OXNAD1: variants seen among roughly 807,000 people sequenced by gnomAD.
OXNAD1 encodes oxidoreductase NAD binding domain containing 1.
A neutral mutation model predicts 32.9 loss-of-function variants in OXNAD1; 34 were observed. The ratio of observed to expected loss-of-function variants is 1.03; its 90% confidence interval spans 0.79 to 1.38. The LOEUF is 1.38. Ranked by LOEUF, OXNAD1 falls within the 40% of genes most tolerant of loss-of-function variation. OXNAD1 has a pLI of 0.00. For synonymous variants in OXNAD1, 134 were observed against 135.2 expected, an observed-to-expected ratio of 0.99 and a Z score of 0.06; for missense variants, 407 against 379.4, an observed-to-expected ratio of 1.07 and a Z score of -0.60.
rs1396753012 is a variant in OXNAD1, at chr3:16,299,520, C to A, written c.433-2106C>A. Reference sequence around the variant, plus strand: ...TTTTTCCCCTGAAAGAGTATCCATTCATTTAACAGTTCTTTACCAAAAAAG... The same window carrying A: ...TTTTTCCCCTGAAAGAGTATCCATTAATTTAACAGTTCTTTACCAAAAAAG... On this transcript the variant is annotated intron_variant, in intron 6 of 8. Coordinates refer to ENST00000285083, the MANE Select transcript of OXNAD1 (RefSeq NM_138381.5). This position sits in a 1 kb window ranked among gnomAD's most constrained non-coding sequence, Gnocchi z 4.4. Among the ~76,000 whole-genome samples, 1 of 150,046 alleles carries A rather than the reference C, an allele frequency of 6.7e-6. No homozygotes were observed. The highest frequency in any genetic ancestry group is 1.5e-5 in the Non-Finnish European group (1 of 67,520).
At position 16,301,689 on chromosome 3, in the gene OXNAD1, G is replaced by A; in HGVS notation, c.496G>A (p.Ala166Thr). 6.2e-7 allele frequency: 1 copy of A among 1,613,976 alleles called. No individual in the cohort carries two copies. The highest frequency in any genetic ancestry group is 1.3e-5 in the African/African-American group (1 of 75,038). The change falls in exon 7 of 9, where the codon GCG becomes ACG. Residue 166 changes from alanine (A) to threonine (T), a missense_variant. Ala to Thr is a moderately conservative substitution (Grantham distance 58). Coordinates refer to ENST00000285083, the MANE Select transcript of OXNAD1 (RefSeq NM_138381.5). This position sits in a 1 kb window ranked among gnomAD's most constrained non-coding sequence, Gnocchi z 4.1. ...AGAGTTCTTCTTTGACCCTCAGCCT[G>A]CGGATGCCTCTAGAAACCTCGTGTT... is the stretch of plus-strand genomic sequence containing the variant. ...GGEFFFDPQP[A>T]DASRNLVLIA...
At chr3:16,347,318 A>G (rs1350280176) in intron 9 of OXNAD1, among the ~76,000 whole-genome samples, 1 of 152,250 alleles carries the variant, frequency 6.6e-6, no homozygotes, top group Admixed American at 6.5e-5. Context: ...GCTATAACAA[A>G]TGACCACAAA....
chr3:16,307,541 A>G (rs1262277621), downstream of OXNAD1, among the ~76,000 whole-genome samples: 1 of 152,156 alleles, frequency 6.6e-6, no homozygotes, highest in Non-Finnish European at 1.5e-5. Context: ...GGTGATCTTG[A>G]TAAGACGGAT....
intron 9 of OXNAD1, among the ~76,000 whole-genome samples, chr3:16,311,181 T>A (rs7619885): frequency 0.19 from 24,671 of 130,500 alleles, 2,136 homozygotes; most frequent in Middle Eastern, 0.26. Context: ...GGTCTTTTTT[T>A]AAAAATATTA....
In OXNAD1 at chr3:16,312,706, T is replaced by C. The variant is rs939922225; in HGVS notation, c.*30+9114T>C. On this transcript the variant is annotated intron_variant, in intron 9 of 9. Transcript: ENST00000435829. The surrounding 1 kb of genome is among the most constrained non-coding windows in gnomAD (Gnocchi z 4.7). ...GCTATTCCTGAACGATTTTGTGGTT[T>C]AGAGAGGGCCATGATGAATATGTTT... Among the ~76,000 whole-genome samples the C allele has an allele frequency of 2.6e-5, 4 of 152,190 alleles. No individual in the cohort carries two copies. The highest frequency in any genetic ancestry group is 9.7e-5 in the African/African-American group (4 of 41,450).
Position 16,316,464 on chromosome 3 carries a change from C to A in OXNAD1, c.*30+12872C>A. Reference sequence around the variant, plus strand: ...AGCCTTGGTTTGTAGCCCAGGGTGTCCATGGATTTGACCCGAATGCTCCCT... The same window carrying A: ...AGCCTTGGTTTGTAGCCCAGGGTGTACATGGATTTGACCCGAATGCTCCCT... On this transcript the variant is annotated intron_variant, in intron 9 of 9. Transcript: ENST00000435829. The surrounding 1 kb of genome is among the most constrained non-coding windows in gnomAD (Gnocchi z 4.5). 1 of 304,754 alleles carries A rather than the reference C, an allele frequency of 3.3e-6. No homozygotes were observed. Among genetic ancestry groups the A allele is most frequent in the South Asian group, 3.2e-5 (1 of 31,460 alleles). The allele number at this position is 304,754 out of a possible 1,614,324, so 18.9% of individuals were successfully genotyped here.
At chr3:16,300,199 A>G (rs1415295245) in intron 6 of OXNAD1, among the ~76,000 whole-genome samples, 4 of 152,214 alleles carry the variant, frequency 2.6e-5, no homozygotes, top group Admixed American at 1.3e-4. Flanking sequence ...TAATGTACCC[A>G]TAGGTTTTTT....
chr3:16,311,054 A>T (rs924700724), downstream of OXNAD1, among the ~76,000 whole-genome samples: 3 of 150,986 alleles, frequency 2.0e-5, no homozygotes, highest in Admixed American at 6.6e-5. Flanking sequence ...CAGAACCAAG[A>T]CAGTTGGTTC....
intron 4 of OXNAD1, among the ~76,000 whole-genome samples, chr3:16,281,833 G>C (rs2065759865): frequency 6.6e-6 from 1 of 151,400 alleles, no homozygotes; most frequent in Non-Finnish European, 1.5e-5. Context: ...TCTACCTCGA[G>C]GCTGTATTTT....
rs142890668 is a variant in OXNAD1 at position 16,311,719 on chromosome 3, A to G, written c.*30+8127A>G. On this transcript the variant is annotated intron_variant, in intron 9 of 9. Coordinates refer to the OXNAD1 transcript ENST00000435829. ...ATTCAAGCCAGCAGCCCCCACCTAGACTAAAGCACTAGCCTCTGCAGCATC... is the reference window on the plus strand; with the variant it reads ...ATTCAAGCCAGCAGCCCCCACCTAGGCTAAAGCACTAGCCTCTGCAGCATC... Among the ~76,000 whole-genome samples the G allele has an allele frequency of 1.7e-3, 258 of 152,214 alleles. 5 individuals are homozygous for G. The East Asian group carries it at 0.039, about 23-fold the overall frequency.
intron 9 of OXNAD1, among the ~76,000 whole-genome samples, chr3:16,347,296 T>A (rs1234542041): frequency 6.6e-6 from 1 of 152,168 alleles, no homozygotes; most frequent in Non-Finnish European, 1.5e-5. Flanking sequence ...TTATATCCAT[T>A]TTCTAGGGGG....
chr3:16,281,418 G>T (rs1057287040), intron 4 of OXNAD1, among the ~76,000 whole-genome samples: 1 of 152,080 alleles, frequency 6.6e-6, no homozygotes, highest in Non-Finnish European at 1.5e-5. Flanking sequence ...GAGTACTGAC[G>T]TGACACTCAA....
rs2069089060 is a variant in OXNAD1 at position 16,321,799 on chromosome 3, T to C, written c.*31-15313T>C. On this transcript the variant is annotated intron_variant, in intron 9 of 9. Coordinates refer to the OXNAD1 transcript ENST00000435829. The surrounding 1 kb of genome is among the most constrained non-coding windows in gnomAD (Gnocchi z 4.8). ...CAGTGGGTCCCATCCTCTCTGAATT[T>C]TCCCTGAGGAGAGTCAGTTCAACCT... Among the ~76,000 whole-genome samples the C allele has an allele frequency of 6.6e-6, 1 of 152,198 alleles. No individual in the cohort carries two copies. The highest frequency in any genetic ancestry group is 6.5e-5 in the Admixed American group (1 of 15,278).
In OXNAD1 at chr3:16,302,927, G is replaced by T. The variant is rs1466547349; in HGVS notation, c.784+179G>T. Among the ~76,000 whole-genome samples, 1 of 152,148 alleles carries T rather than the reference G, an allele frequency of 6.6e-6. No homozygotes were observed. Among genetic ancestry groups the T allele is most frequent in the Non-Finnish European group, 1.5e-5 (1 of 68,032 alleles). ...TAGTTGGGTTTACTCATTATATACAGGTTTCCTATTGCCTGTGTTAAAAGT... is the reference window on the plus strand; with the variant it reads ...TAGTTGGGTTTACTCATTATATACATGTTTCCTATTGCCTGTGTTAAAAGT... On this transcript the variant is annotated intron_variant, in intron 8 of 8. Coordinates refer to ENST00000285083, the MANE Select transcript of OXNAD1 (RefSeq NM_138381.5). The surrounding 1 kb of genome is among the most constrained non-coding windows in gnomAD (Gnocchi z 4.2).
At chr3:16,340,015 G>A (rs996100407), downstream of OXNAD1, 7 of 152,164 alleles carry the variant, frequency 4.6e-5, no homozygotes, top group Admixed American at 4.6e-4. Flanking sequence ...ATTTTTATGG[G>A]TATTTTGCAT....
At chr3:16,338,574 A>G (rs1465955944), downstream of OXNAD1, among the ~76,000 whole-genome samples, 2 of 152,266 alleles carry the variant, frequency 1.3e-5, no homozygotes, top group Admixed American at 6.5e-5. The surrounding 1 kb of genome is among the most constrained non-coding windows in gnomAD (Gnocchi z 5.3). Context: ...TTTGATAACA[A>G]TTAAAAAAGA....
At position 16,316,937 on chromosome 3, in the gene OXNAD1, T is replaced by G. The variant is rs1575209365; in HGVS notation, c.*30+13345T>G. 2 of 1,614,108 alleles carry G rather than the reference T, an allele frequency of 1.2e-6. No homozygotes were observed. The highest frequency in any genetic ancestry group is 4.5e-5 in the East Asian group (2 of 44,848). ...GCAAATCCCCACCAGGGCCCTGCTGTGGCTGGCAGGACCATTCTGCACAGC... is the reference window on the plus strand; with the variant it reads ...GCAAATCCCCACCAGGGCCCTGCTGGGGCTGGCAGGACCATTCTGCACAGC... On this transcript the variant is annotated intron_variant, in intron 9 of 9. Coordinates refer to the OXNAD1 transcript ENST00000435829. The surrounding 1 kb of genome is among the most constrained non-coding windows in gnomAD (Gnocchi z 4.5).
chr3:16,301,901 T>A lies in OXNAD1; in HGVS notation c.675+33T>A. On this transcript the variant is annotated intron_variant, in intron 7 of 8. Transcript: ENST00000285083. This position sits in a 1 kb window ranked among gnomAD's most constrained non-coding sequence, Gnocchi z 4.1. ...AGGTATAGCTTGCTGTAAGCAAACT[T>A]GTGTAGTGGTATTAATTGTTCATGA... 1 of 1,599,522 alleles carries A rather than the reference T, an allele frequency of 6.3e-7. No individual in the cohort carries two copies. The highest frequency in any genetic ancestry group is 8.5e-7 in the Non-Finnish European group (1 of 1,171,594).
At position 16,297,594 on chromosome 3, in the gene OXNAD1, C is replaced by G. The variant is rs2066887908; in HGVS notation, c.432+2597C>G. ...AATTATTAAAAACTTCTAGAAACAA[C>G]CCAAATGTCCCTCAGCAGGTGAATG... On this transcript the variant is annotated intron_variant, in intron 6 of 8. Transcript: ENST00000285083. This position sits in a 1 kb window ranked among gnomAD's most constrained non-coding sequence, Gnocchi z 4.3. Among the ~76,000 whole-genome samples, 1 of 152,158 alleles carries G rather than the reference C, an allele frequency of 6.6e-6. No homozygotes were observed. The highest frequency in any genetic ancestry group is 2.4e-5 in the African/African-American group (1 of 41,442).
Sources: allele counts gnomAD v4.1 joint callset (sites outside exome capture counted in the v4.1 genomes callset), GRCh38; gene constraint gnomAD v4.1.1; non-coding constraint Gnocchi (gnomAD v3.1); transcripts MANE v1.5; gene names NCBI Gene and HGNC (gene_info 2026-07-23, HGNC 2026-07-21).